The following METAP1 variants were observed in gnomAD, a reference collection of about 807,000 sequenced individuals.
The protein encoded by METAP1 is methionyl aminopeptidase 1, also known as methionine aminopeptidase 1.
METAP1 carries 28 observed loss-of-function variants against 53.8 expected under a neutral mutation model. The ratio of observed to expected loss-of-function variants is 0.52; its 90% CI spans 0.39 to 0.71. METAP1 has a LOEUF of 0.71. Among genes scored for constraint, METAP1 ranks in the 30% least tolerant of loss-of-function variants. The pLI is 0.00. For synonymous variants in METAP1, 181 were observed against 165.7 expected (o/e 1.09, Z -0.71); for missense variants, 389 against 479.8 (o/e 0.81, Z 1.77).
intron 1 of METAP1, among the ~76,000 whole-genome samples, chr4:99,021,660 C>T (rs1724117187): frequency 1.3e-5 from 2 of 152,182 alleles, no homozygotes; most frequent in South Asian, 4.1e-4. Context: ...ACATTTATAA[C>T]CTTTACATCC....
intron 9 of METAP1, among the ~76,000 whole-genome samples, chr4:99,050,048 G>A (rs917955686): frequency 1.3e-5 from 2 of 152,058 alleles, no homozygotes; most frequent in African/African-American, 4.8e-5. Context: ...TTGCTTTCTG[G>A]AGTCAGTCTT....
At chr4:99,023,245 C>A (rs955298094) in intron 1 of METAP1, 2 of 460,964 alleles carry the variant, frequency 4.3e-6, no homozygotes, top group Non-Finnish European at 7.0e-6. Context: ...TATCTAAATT[C>A]TCTTTTTCAC....
At chr4:99,022,738 G>C (rs1724220600) in intron 1 of METAP1, 12 of 1,590,890 alleles carry the variant, frequency 7.5e-6, no homozygotes, top group Non-Finnish European at 1.0e-5. Context: ...TGCACCTGTG[G>C]GTACCCATAG....
chr4:99,002,800 C>T (rs1054320834), intron 1 of METAP1, among the ~76,000 whole-genome samples: 7 of 152,188 alleles, frequency 4.6e-5, no homozygotes, highest in East Asian at 3.8e-4. Flanking sequence ...TAAGGCCAGG[C>T]GCCGTGGCTT....
intron 1 of METAP1, among the ~76,000 whole-genome samples, chr4:99,024,874 A>T (rs931136548): frequency 1.3e-5 from 2 of 151,964 alleles, no homozygotes; most frequent in African/African-American, 4.8e-5. Context: ...GTGAAAGACA[A>T]TTTTTCCATG....
At chr4:99,015,180 T>C (rs1723685430) in intron 1 of METAP1, among the ~76,000 whole-genome samples, 1 of 152,234 alleles carries the variant, frequency 6.6e-6, no homozygotes, top group Non-Finnish European at 1.5e-5. Context: ...TTTAATCCGT[T>C]TTAACCAGGC....
In METAP1 at chr4:99,058,263, G is replaced by A. The variant is rs551509422; in HGVS notation, c.997+445G>A. Among the ~76,000 whole-genome samples, 6 of 152,230 alleles carry A rather than the reference G, an allele frequency of 3.9e-5. No individual in the cohort carries two copies. In the South Asian group the frequency reaches 1.0e-3, roughly 26 times the overall value. On this transcript the variant is annotated intron_variant, in intron 10 of 10. Transcript: ENST00000296411. The stretch of plus-strand genomic sequence containing the variant: ...GGTGTTACCCCATTATAGAAACTAG[G>A]AAACTGGTCCTTGAAGAGGGTGGGT...
chr4:99,056,663 C>T (rs1364987900), intron 9 of METAP1, among the ~76,000 whole-genome samples: 1 of 150,196 alleles, frequency 6.7e-6, no homozygotes, highest in Admixed American at 6.6e-5. Flanking sequence ...CTCAGCCTCC[C>T]GGGTTCATGC....
intron 3 of METAP1, 66 bp downstream of exon 3, chr4:99,034,408 T>C: frequency 1.1e-6 from 1 of 951,974 alleles, no homozygotes; most frequent in South Asian, 1.4e-5. Context: ...TACTCGTAAT[T>C]TGTTTTCCAG....
rs1253723464 is a variant in METAP1 at position 99,041,112 on chromosome 4, C to G, written c.502C>G (p.His168Asp). The G allele has an allele frequency of 6.2e-7, 1 of 1,600,654 alleles. No individual in the cohort carries two copies. The highest frequency in any genetic ancestry group is 2.2e-5 in the East Asian group (1 of 44,582). Residue 168 changes from histidine to aspartate, a missense_variant, in exon 6 of 11, where the codon CAC (histidine) becomes GAC (aspartate). Physicochemically the swap from His to Asp is moderately conservative, Grantham distance 81. Coordinates refer to ENST00000296411, the MANE Select transcript of METAP1 (RefSeq NM_015143.3). ...KPGVTTEEIDHAVHLACIARN... is the reference protein window; with the variant it reads ...KPGVTTEEIDDAVHLACIARN... ...AGGTGTAACTACTGAAGAAATAGAT[C>G]ACGCTGTACACTTAGTAAGAACTTC...
intron 9 of METAP1, among the ~76,000 whole-genome samples, chr4:99,055,919 A>C (rs1727081910): frequency 6.6e-6 from 1 of 152,196 alleles, no homozygotes; most frequent in African/African-American, 2.4e-5. Flanking sequence ...TTAAAAGTCA[A>C]ATGTTTGTTT....
In METAP1 at chr4:99,048,890, A is replaced by G; in HGVS notation, c.931+14A>G. ...CCCACTATGCTAGTAAGTACTATCC[A>G]GAGATTTGGTATAAGCTCACCATTT... On this transcript the variant is annotated intron_variant, in intron 9 of 10. Transcript: ENST00000296411. The G allele has an allele frequency of 6.2e-7, 1 of 1,611,050 alleles. No homozygotes were observed.
chr4:99,045,365 A>G (rs1726146600), intron 8 of METAP1, 55 bp downstream of exon 8: 5 of 1,596,744 alleles, frequency 3.1e-6, no homozygotes, highest in Non-Finnish European at 4.3e-6. Context: ...TGGGCCAAGA[A>G]TGACTGGGCG....
chr4:99,050,180 C>A (rs1202587193), intron 9 of METAP1, among the ~76,000 whole-genome samples: 1 of 152,034 alleles, frequency 6.6e-6, no homozygotes, highest in Non-Finnish European at 1.5e-5. Flanking sequence ...AACATGGGTG[C>A]TTCAAATAGA....
chr4:99,034,843 C>T (rs1725314804), intron 3 of METAP1, among the ~76,000 whole-genome samples: 1 of 152,130 alleles, frequency 6.6e-6, no homozygotes, highest in Admixed American at 6.6e-5. Flanking sequence ...TTAGATATGG[C>T]TTTTCTGCCA....
chr4:99,045,109 A>G lies in METAP1; in HGVS notation c.656-70A>G, dbSNP rs931715737. ...TTTCATTAAGTTGCTAGATGCTGTC[A>G]TGTTGGAAAAACACTTGAATTTTGA... On this transcript the variant is annotated intron_variant, in intron 7 of 10. Coordinates refer to ENST00000296411, the MANE Select transcript of METAP1 (RefSeq NM_015143.3). 55 of 1,484,534 alleles carry G rather than the reference A, an allele frequency of 3.7e-5. No individual in the cohort carries two copies. In the East Asian group the frequency reaches 9.6e-4, roughly 26 times the overall value. 92.0% of individuals were successfully genotyped at this position (1,484,534 alleles called of 1,614,324 possible). A position where few individuals can be genotyped will look rare whatever the true frequency, so the allele number is the denominator to read the frequency against.
At chr4:99,014,577 A>G (rs959148800) in intron 1 of METAP1, among the ~76,000 whole-genome samples, 1 of 152,212 alleles carries the variant, frequency 6.6e-6, no homozygotes, top group Non-Finnish European at 1.5e-5. Flanking sequence ...TAAATTCATC[A>G]GGAACCCCCC....
chr4:99,011,784 T>C (rs1723482582), intron 1 of METAP1, among the ~76,000 whole-genome samples: 1 of 151,890 alleles, frequency 6.6e-6, no homozygotes, highest in South Asian at 2.1e-4. Context: ...CTACTAAAAA[T>C]ACAAAATTAG....
chr4:99,054,712 C>A (rs572102176), intron 9 of METAP1, among the ~76,000 whole-genome samples: 12 of 152,240 alleles, frequency 7.9e-5, no homozygotes, highest in Non-Finnish European at 1.5e-4. Context: ...TGTGACTCTT[C>A]CTTTCAGTTA....
Sources: allele counts gnomAD v4.1 joint callset (sites outside exome capture counted in the v4.1 genomes callset), GRCh38; gene constraint gnomAD v4.1.1; transcripts MANE v1.5; gene names NCBI Gene and HGNC (gene_info 2026-07-23, HGNC 2026-07-21).